CACNA2D3: variants seen among roughly 807,000 people sequenced by gnomAD.
CACNA2D3 encodes the protein calcium voltage-gated channel auxiliary subunit alpha2delta 3, also known as voltage-dependent calcium channel subunit alpha-2/delta-3.
A neutral mutation model predicts 160.6 loss-of-function variants in CACNA2D3; 60 were observed. The ratio of observed to expected loss-of-function variants is 0.37; its 90% CI spans 0.30 to 0.46. The LOEUF (loss-of-function observed/expected upper bound fraction) is 0.46, where lower values mean the gene tolerates loss of function less well. Among genes scored for constraint, CACNA2D3 ranks in the 20% least tolerant of loss-of-function variants. The probability of loss-of-function intolerance (pLI) is 1.00; values close to 1 mark genes in which losing one functional copy is unlikely to be tolerated. For missense variants in CACNA2D3, 1,205 were observed against 1,365.0 expected (o/e 0.88, Z 1.85); for synonymous variants, 558 against 492.9 (o/e 1.13, Z -1.75).
chr3:54,729,566 T>G (rs1233233428), intron 11 of CACNA2D3, among the ~76,000 whole-genome samples: 1 of 152,250 alleles, frequency 6.6e-6, no homozygotes, highest in Non-Finnish European at 1.5e-5. Context: ...GCTTTGTCGA[T>G]GAACTAGCAC....
At chr3:55,016,048 ACTC>A (rs899763235) in intron 34 of CACNA2D3, among the ~76,000 whole-genome samples, 1 of 152,120 alleles carries the variant, frequency 6.6e-6, no homozygotes, top group Non-Finnish European at 1.5e-5. Flanking sequence ...TGAAAACACT[ACTC>A]AAGAGAGTCA....
chr3:54,195,250 T>C (rs920263509), intron 2 of CACNA2D3, among the ~76,000 whole-genome samples: 8 of 152,176 alleles, frequency 5.3e-5, no homozygotes, highest in Non-Finnish European at 1.0e-4. Flanking sequence ...AAACTCTGAC[T>C]CCTAAGAATC....
chr3:54,152,255 G>C (rs528862410), intron 2 of CACNA2D3, among the ~76,000 whole-genome samples: 1 of 152,276 alleles, frequency 6.6e-6, no homozygotes, highest in Admixed American at 6.5e-5. Flanking sequence ...TCTCAGAAGC[G>C]GGGGCATTGT....
chr3:55,065,897 TTAC>T (rs1324625194), intron 35 of CACNA2D3, among the ~76,000 whole-genome samples: 2 of 152,224 alleles, frequency 1.3e-5, no homozygotes, highest in African/African-American at 4.8e-5. Flanking sequence ...TGAAGTTTAG[TTAC>T]TACATTTCAT....
At chr3:54,885,201 C>T (rs1699893646) in intron 21 of CACNA2D3, 80 bp from the exon 22 acceptor site, 3 of 1,488,482 alleles carry the variant, frequency 2.0e-6, no homozygotes, top group Admixed American at 1.7e-5. Context: ...ACCCCGCAGC[C>T]CTACCCTAGA....
chr3:54,273,551 C>T (rs1323064929), intron 2 of CACNA2D3, among the ~76,000 whole-genome samples: 1 of 152,156 alleles, frequency 6.6e-6, no homozygotes, highest in African/African-American at 2.4e-5. Flanking sequence ...GCAGCGTTTC[C>T]CCTTTGGTGT....
At chr3:54,728,383 A>G (rs1344319050) in intron 11 of CACNA2D3, among the ~76,000 whole-genome samples, 1 of 152,156 alleles carries the variant, frequency 6.6e-6, no homozygotes, top group East Asian at 1.9e-4. Flanking sequence ...ATGAATTCTT[A>G]ATTTTAATCA....
At chr3:54,131,058 G>A (rs1261297785) in intron 2 of CACNA2D3, among the ~76,000 whole-genome samples, 1 of 152,230 alleles carries the variant, frequency 6.6e-6, no homozygotes, top group East Asian at 1.9e-4. Flanking sequence ...TGGCACATTG[G>A]CTCCTGCCAG....
chr3:54,828,265 G>C (rs1032010924), intron 14 of CACNA2D3, among the ~76,000 whole-genome samples: 3 of 152,168 alleles, frequency 2.0e-5, no homozygotes, highest in African/African-American at 7.2e-5. Flanking sequence ...GGTCAATTAT[G>C]TGTCATGGCT....
intron 2 of CACNA2D3, among the ~76,000 whole-genome samples, chr3:54,202,614 T>G (rs1701199863): frequency 6.6e-6 from 1 of 152,208 alleles, no homozygotes; most frequent in African/African-American, 2.4e-5. Context: ...GGACACATAT[T>G]TTAATTATCC....
chr3:54,764,322 G>A lies in CACNA2D3; in HGVS notation c.1351G>A (p.Val451Met). The change falls in exon 13 of 38, where the codon GTG becomes ATG. Residue 451 changes from valine to methionine, a missense_variant. Val to Met is a conservative substitution (Grantham distance 21, BLOSUM62 1). Around this residue, in one of 3 missense-constraint regions of CACNA2D3, gnomAD observed 911 missense variants for 1,002.2 expected, o/e 0.91. Transcript: ENST00000474759. ...PKVIDQEHDV[V>M]WTEAYIDSTL... ...AGTCATCGACCAGGAGCATGATGTG[G>A]TGTGGACCGAAGCTTACATTGACAG... 6.2e-7 allele frequency: 1 copy of A among 1,613,860 alleles called. No individual in the cohort carries two copies.
At chr3:54,333,449 A>G (rs1431769970) in intron 3 of CACNA2D3, among the ~76,000 whole-genome samples, 1 of 151,476 alleles carries the variant, frequency 6.6e-6, no homozygotes, top group African/African-American at 2.4e-5. Context: ...TTCTCTGGGT[A>G]TTGATGTATA....
At chr3:54,591,564 A>G (rs982503555) in intron 9 of CACNA2D3, among the ~76,000 whole-genome samples, 1 of 137,736 alleles carries the variant, frequency 7.3e-6, no homozygotes. Context: ...GTGGTTGAAA[A>G]AAGTTTTTTT....
At chr3:54,865,784 A>T (rs1418328505) in intron 17 of CACNA2D3, among the ~76,000 whole-genome samples, 1 of 152,132 alleles carries the variant, frequency 6.6e-6, no homozygotes, top group Non-Finnish European at 1.5e-5. Flanking sequence ...TACTGGCCAA[A>T]TGGGCGTGTT....
chr3:55,055,760 C>T (rs1014941954), intron 35 of CACNA2D3, among the ~76,000 whole-genome samples: 6 of 152,002 alleles, frequency 3.9e-5, no homozygotes, highest in South Asian at 2.1e-4. Flanking sequence ...AGGTCTTTGA[C>T]CTCCTTGGTT....
intron 4 of CACNA2D3, among the ~76,000 whole-genome samples, chr3:54,497,947 T>C (rs1701227687): frequency 6.6e-6 from 1 of 151,930 alleles, no homozygotes; most frequent in South Asian, 2.1e-4. Flanking sequence ...TAATACAGTT[T>C]GGTCGTGATG....
intron 27 of CACNA2D3, among the ~76,000 whole-genome samples, chr3:54,933,058 TTCCTTCCTTCCTTCCTTCCTTCC>T (rs1701237254): frequency 1.4e-4 from 1 of 7,052 alleles, no homozygotes; most frequent in African/African-American, 5.5e-4. Context: ...CCTCCCTTCC[TTCCTTCCTTCCTTCCTTCCTTCC>T]TTCCTTCCTT....
At chr3:54,432,607 C>T (rs1052929567) in intron 4 of CACNA2D3, among the ~76,000 whole-genome samples, 3 of 152,088 alleles carry the variant, frequency 2.0e-5, no homozygotes, top group African/African-American at 4.8e-5. Context: ...TTCTCCCCAC[C>T]CAGGCTTGGT....
At chr3:54,843,203 C>G (rs1698859897) in intron 16 of CACNA2D3, among the ~76,000 whole-genome samples, 1 of 152,120 alleles carries the variant, frequency 6.6e-6, no homozygotes, top group Non-Finnish European at 1.5e-5. Flanking sequence ...CTCAGGTGAT[C>G]CACCTGCCTA....
Sources: allele counts gnomAD v4.1 joint callset (sites outside exome capture counted in the v4.1 genomes callset), GRCh38; gene constraint gnomAD v4.1.1; regional missense constraint gnomAD v4.1.1; transcripts MANE v1.5; gene names NCBI Gene and HGNC (gene_info 2026-07-23, HGNC 2026-07-21).